The following AMOTL1 variants were observed in gnomAD, a reference collection of about 807,000 sequenced individuals.
The protein encoded by AMOTL1 is angiomotin-like protein 1.
A neutral mutation model predicts 102.9 loss-of-function variants in AMOTL1; 45 were observed. The observed-to-expected ratio is 0.44, with a 90% CI of 0.34 to 0.56. The LOEUF (loss-of-function observed/expected upper bound fraction) is 0.56, where lower values mean the gene tolerates loss of function less well. Among genes scored for constraint, AMOTL1 ranks in the 20% least tolerant of loss-of-function variants. The probability of loss-of-function intolerance (pLI) is 0.01; values close to 1 mark genes in which losing one functional copy is unlikely to be tolerated. For synonymous variants in AMOTL1, 481 were observed against 484.7 expected (o/e 0.99, Z 0.10); for missense variants, 1,114 against 1,225.6 (o/e 0.91, Z 1.36).
intron 1 of AMOTL1, among the ~76,000 whole-genome samples, chr11:94,721,875 G>A (rs886408795): frequency 2.0e-5 from 3 of 152,080 alleles, no homozygotes; most frequent in African/African-American, 7.2e-5. Flanking sequence ...TCACCTGTTC[G>A]GGTATGGCTG....
At chr11:94,851,502 A>G (rs1394441994) in intron 7 of AMOTL1, among the ~76,000 whole-genome samples, 1 of 152,120 alleles carries the variant, frequency 6.6e-6, no homozygotes, top group Non-Finnish European at 1.5e-5. Flanking sequence ...CTCCTTTCTA[A>G]TTAGAGTTTC....
chr11:94,796,908 A>G, intron 2 of AMOTL1: 6 of 637,278 alleles, frequency 9.4e-6, no homozygotes, highest in Non-Finnish European at 1.2e-5. Flanking sequence ...ACATATATGT[A>G]TATATCTTGT....
chr11:94,728,548 G>A (rs1043567331), intron 1 of AMOTL1, among the ~76,000 whole-genome samples: 1 of 152,068 alleles, frequency 6.6e-6, no homozygotes, highest in African/African-American at 2.4e-5. Flanking sequence ...ATTAGTTCAA[G>A]TTTTTTTAGT....
At chr11:94,739,837 C>G (rs1317372449) in intron 2 of AMOTL1, among the ~76,000 whole-genome samples, 1 of 152,198 alleles carries the variant, frequency 6.6e-6, no homozygotes, top group Non-Finnish European at 1.5e-5. Context: ...ATACATAACA[C>G]ATCTGTCCAA....
chr11:94,805,566 A>T (rs1313568372), intron 3 of AMOTL1, among the ~76,000 whole-genome samples: 1 of 152,192 alleles, frequency 6.6e-6, no homozygotes, highest in Non-Finnish European at 1.5e-5. Flanking sequence ...ACTCCTGTCA[A>T]TGAAAAGAAC....
chr11:94,713,345 AG>A (rs1290507674), intron 1 of AMOTL1, among the ~76,000 whole-genome samples: 1 of 151,956 alleles, frequency 6.6e-6, no homozygotes, highest in Non-Finnish European at 1.5e-5. Context: ...ATTTGTCAAA[AG>A]TTTTAGAGAT....
chr11:94,747,531 T>C (rs1012471794), intron 3 of AMOTL1, among the ~76,000 whole-genome samples: 27 of 152,200 alleles, frequency 1.8e-4, no homozygotes, highest in Non-Finnish European at 3.2e-4. Flanking sequence ...TATAACTTCT[T>C]TAAAATAATA....
intron 1 of AMOTL1, among the ~76,000 whole-genome samples, chr11:94,770,038 G>A (rs759338145): frequency 6.6e-6 from 1 of 152,136 alleles, no homozygotes; most frequent in Non-Finnish European, 1.5e-5. Flanking sequence ...AAAAGTCAAG[G>A]CTTGAAATAT....
chr11:94,844,344 T>TC lies in AMOTL1; in HGVS notation c.1649-5770_1649-5769insC, dbSNP rs531599864. ...CTCTCTCTCTCCCTTCCTTTCTTCTTTCTCTCTCTCTGAGAGACCTAAACC... is the reference window on the plus strand; with the variant it reads ...CTCTCTCTCTCCCTTCCTTTCTTCTTCTCTCTCTCTCTGAGAGACCTAAACC... On this transcript the variant is annotated intron_variant, in intron 6 of 12. Transcript: ENST00000433060. Among the ~76,000 whole-genome samples the TC allele has an allele frequency of 2.9e-3, 437 of 152,204 alleles. 3 individuals are homozygous for TC. The highest frequency in any genetic ancestry group is 0.01 in the African/African-American group (419 of 41,482).
chr11:94,769,744 A>G (rs556487355), intron 1 of AMOTL1, among the ~76,000 whole-genome samples: 1 of 151,998 alleles, frequency 6.6e-6, no homozygotes, highest in Non-Finnish European at 1.5e-5. Flanking sequence ...TTTGGACCCA[A>G]CATTTTGTCC....
intron 6 of AMOTL1, 77 bp from the exon 7 acceptor site, chr11:94,850,037 C>T: frequency 6.9e-7 from 1 of 1,441,290 alleles, no homozygotes. Context: ...TTAATCCTTG[C>T]CAGATGTCGA....
chr11:94,834,229 C>T (rs528257400), intron 6 of AMOTL1, among the ~76,000 whole-genome samples: 8 of 152,196 alleles, frequency 5.3e-5, no homozygotes, highest in African/African-American at 1.9e-4. Flanking sequence ...GGAAGCCATC[C>T]TTTTCAAGTG....
chr11:94,852,339 G>A lies in AMOTL1; in HGVS notation c.1795-1594G>A, dbSNP rs148744104. Reference sequence around the variant, plus strand: ...GGACAGGATATAGGTATAACTCACAGCAATGCTGCCTGCTGAGTCAGAAAG... The same window carrying A: ...GGACAGGATATAGGTATAACTCACAACAATGCTGCCTGCTGAGTCAGAAAG... On this transcript the variant is annotated intron_variant, in intron 7 of 12. Transcript: ENST00000433060. Among the ~76,000 whole-genome samples, 584 of 152,348 alleles carry A rather than the reference G, an allele frequency of 3.8e-3. 1 individual carries two copies. Among genetic ancestry groups the A allele is most frequent in the Middle Eastern group, 0.014 (4 of 294 alleles).
chr11:94,714,061 C>T (rs187698807), intron 1 of AMOTL1, among the ~76,000 whole-genome samples: 1 of 152,076 alleles, frequency 6.6e-6, no homozygotes. Flanking sequence ...GGAAGCTTCC[C>T]TTTATTCCTA....
chr11:94,853,823 C>A, intron 7 of AMOTL1, 110 bp from the exon 8 acceptor site: 1 of 1,269,820 alleles, frequency 7.9e-7, no homozygotes, highest in Non-Finnish European at 1.1e-6. Flanking sequence ...GAGGTACGTG[C>A]ACCTGTAGTT....
At chr11:94,710,004 T>C (rs536642857) in intron 1 of AMOTL1, among the ~76,000 whole-genome samples, 6 of 152,320 alleles carry the variant, frequency 3.9e-5, no homozygotes, top group Admixed American at 2.0e-4. Flanking sequence ...TAACTCGTTT[T>C]ACCGTTATAA....
chr11:94,716,950 T>C (rs1211729653), intron 1 of AMOTL1, among the ~76,000 whole-genome samples: 1 of 152,084 alleles, frequency 6.6e-6, no homozygotes, highest in Non-Finnish European at 1.5e-5. Flanking sequence ...AGAGGATTAT[T>C]TCTCTGGTAG....
intron 3 of AMOTL1, chr11:94,740,992 A>C (rs1591918610): frequency 7.8e-7 from 1 of 1,288,816 alleles, no homozygotes. Context: ...GAGTTAGGTA[A>C]GTCTGCTCAT....
At chr11:94,819,949 G>A (rs1158345974) in intron 3 of AMOTL1, among the ~76,000 whole-genome samples, 1 of 152,158 alleles carries the variant, frequency 6.6e-6, no homozygotes, top group Non-Finnish European at 1.5e-5. Flanking sequence ...GGACGGGGAT[G>A]GAAATTCATG....
Sources: gnomAD v4.1 joint callset for allele counts (sites outside exome capture counted in the v4.1 genomes callset) on GRCh38, gnomAD v4.1.1 for gene constraint, MANE v1.5 for transcripts, NCBI Gene and HGNC (gene_info 2026-07-23, HGNC 2026-07-21) for gene names.